ROR1: variants seen among roughly 807,000 people sequenced by gnomAD.
ROR1 encodes the protein ROR family WNT receptor 1.
A neutral mutation model predicts 78.8 loss-of-function variants in ROR1; 19 were observed. That is an observed-to-expected ratio of 0.24 (90% CI 0.17 to 0.35). The LOEUF is 0.35. ROR1 is among the 10% of genes least tolerant of loss of function. The pLI, the probability that ROR1 is intolerant of heterozygous loss-of-function variation, is 1.00. For missense variants in ROR1, 917 were observed against 1,177.8 expected, an observed-to-expected ratio of 0.78 and a Z score of 3.24; for synonymous variants, 386 against 433.6, an observed-to-expected ratio of 0.89 and a Z score of 1.36.
intron 1 of ROR1, among the ~76,000 whole-genome samples, chr1:63,815,860 C>T (rs1245067759): frequency 6.6e-6 from 1 of 152,052 alleles, no homozygotes; most frequent in South Asian, 2.1e-4. Context: ...GGGGGACCTG[C>T]CCACTTGGAA....
At chr1:64,091,280 G>A (rs1569727708) in intron 4 of ROR1, among the ~76,000 whole-genome samples, 1 of 152,278 alleles carries the variant, frequency 6.6e-6, no homozygotes. Context: ...TCTGACTAGA[G>A]TAGAAATACA....
chr1:64,148,755 G>A (rs141422572), intron 7 of ROR1, among the ~76,000 whole-genome samples: 6 of 152,220 alleles, frequency 3.9e-5, no homozygotes, highest in Non-Finnish European at 8.8e-5. Context: ...GCTTGGCTAG[G>A]ATTATATGCA....
At chr1:63,931,384 C>A (rs1645751459) in intron 1 of ROR1, among the ~76,000 whole-genome samples, 1 of 152,216 alleles carries the variant, frequency 6.6e-6, no homozygotes, top group African/African-American at 2.4e-5. Context: ...TGAGGTCAGA[C>A]AAAATGGGTT....
chr1:64,171,987 T>C (rs1166792459), intron 8 of ROR1, among the ~76,000 whole-genome samples: 1 of 152,210 alleles, frequency 6.6e-6, no homozygotes. Flanking sequence ...TCAAATGTAT[T>C]GTCACCTAAG....
intron 4 of ROR1, among the ~76,000 whole-genome samples, chr1:64,084,151 C>T (rs1647130842): frequency 1.3e-5 from 2 of 152,184 alleles, no homozygotes; most frequent in Admixed American, 1.3e-4. Flanking sequence ...TATATAGCTA[C>T]TTATTTGCTT....
chr1:63,995,793 A>ATTT (rs1321912490), intron 1 of ROR1, among the ~76,000 whole-genome samples: 3 of 152,196 alleles, frequency 2.0e-5, no homozygotes, highest in East Asian at 3.8e-4. Context: ...ATGAGCTATT[A>ATTT]TTTATTATTA....
At chr1:63,833,989 T>C (rs1645004590) in intron 1 of ROR1, among the ~76,000 whole-genome samples, 2 of 141,348 alleles carry the variant, frequency 1.4e-5, no homozygotes, top group African/African-American at 5.3e-5. Flanking sequence ...TTCTTCTTCT[T>C]CTTTTTTTTT....
chr1:64,074,663 T>G (rs1228351121), intron 4 of ROR1, among the ~76,000 whole-genome samples: 1 of 152,216 alleles, frequency 6.6e-6, no homozygotes, highest in Non-Finnish European at 1.5e-5. Flanking sequence ...AGTTCCCCAG[T>G]GTGGACTTAT....
chr1:63,990,650 T>TA (rs1212423376), intron 1 of ROR1, among the ~76,000 whole-genome samples: 3 of 152,174 alleles, frequency 2.0e-5, no homozygotes, highest in South Asian at 2.1e-4. Flanking sequence ...TTGTCAAAGA[T>TA]AAAATATTTG....
chr1:64,153,891 T>C (rs185291384), intron 7 of ROR1, among the ~76,000 whole-genome samples: 322 of 152,316 alleles, frequency 2.1e-3, no homozygotes, highest in African/African-American at 6.9e-3. Context: ...ATGGTAAATT[T>C]TACGGTATTT....
At chr1:64,137,936 GA>G (rs1245994507) in intron 5 of ROR1, among the ~76,000 whole-genome samples, 1 of 152,156 alleles carries the variant, frequency 6.6e-6, no homozygotes, top group African/African-American at 2.4e-5. Context: ...GAACTTTGGG[GA>G]AATCGCTTAC....
chr1:63,822,327 G>T (rs1644928299), intron 1 of ROR1, among the ~76,000 whole-genome samples: 1 of 152,142 alleles, frequency 6.6e-6, no homozygotes, highest in African/African-American at 2.4e-5. Flanking sequence ...AACCTAGTTT[G>T]CTTGCATTAA....
Position 63,774,385 on chromosome 1 carries a change from G to A in ROR1, c.-33G>A, listed in dbSNP as rs1034800331. 4.3e-6 allele frequency: 5 copies of A among 1,166,644 alleles called. No homozygotes were observed. Among genetic ancestry groups the A allele is most frequent in the Non-Finnish European group, 5.4e-6 (5 of 920,232 alleles). The allele number at this position is 1,166,644 out of a possible 1,614,324, so 72.3% of individuals were successfully genotyped here. ...TGGATGTTCTGCGCGCGGCCTGGGAGCCGCCGCCGCCGCCGCCTCAGCGAG... is the reference window on the plus strand; with the variant it reads ...TGGATGTTCTGCGCGCGGCCTGGGAACCGCCGCCGCCGCCGCCTCAGCGAG... On this transcript the variant is annotated 5_prime_UTR_variant, in exon 1 of 9. Transcript: ENST00000371079. The surrounding 1 kb of genome is among the most constrained non-coding windows in gnomAD (Gnocchi z 5.7).
chr1:64,098,878 T>C (rs1647407144), intron 4 of ROR1, among the ~76,000 whole-genome samples: 1 of 152,144 alleles, frequency 6.6e-6, no homozygotes, highest in African/African-American at 2.4e-5. Flanking sequence ...TGATGAAAAA[T>C]AAATATCGGG....
intron 1 of ROR1, among the ~76,000 whole-genome samples, chr1:63,914,646 G>T (rs1645595812): frequency 6.6e-6 from 1 of 152,054 alleles, no homozygotes; most frequent in Admixed American, 6.6e-5. Flanking sequence ...TATTAACCTG[G>T]CCAAACACCA....
chr1:63,821,407 A>T (rs915532189), intron 1 of ROR1, among the ~76,000 whole-genome samples: 1 of 152,196 alleles, frequency 6.6e-6, no homozygotes, highest in African/African-American at 2.4e-5. Flanking sequence ...TTGATGGTTG[A>T]TAGCATTTGG....
chr1:63,959,753 C>T (rs1338619736), intron 1 of ROR1, among the ~76,000 whole-genome samples: 2 of 152,210 alleles, frequency 1.3e-5, no homozygotes, highest in South Asian at 2.1e-4. Flanking sequence ...CCCATTCCAG[C>T]TCCAGTTCCC....
chr1:63,808,276 A>G (rs1418185861), intron 1 of ROR1, among the ~76,000 whole-genome samples: 1 of 152,176 alleles, frequency 6.6e-6, no homozygotes, highest in East Asian at 1.9e-4. Flanking sequence ...GGGCTGGAGC[A>G]CAGCTCTATC....
At chr1:63,850,837 A>G (rs930122393) in intron 1 of ROR1, among the ~76,000 whole-genome samples, 15 of 152,166 alleles carry the variant, frequency 9.9e-5, no homozygotes, top group African/African-American at 3.6e-4. Context: ...TATAGAACCT[A>G]TGTTGGGGGT....
Sources: allele counts gnomAD v4.1 joint callset (sites outside exome capture counted in the v4.1 genomes callset), GRCh38; gene constraint gnomAD v4.1.1; non-coding constraint Gnocchi (gnomAD v3.1); transcripts MANE v1.5; gene names NCBI Gene and HGNC (gene_info 2026-07-23, HGNC 2026-07-21).